The following LRRTM4 variants were observed in gnomAD, a reference collection of about 807,000 sequenced individuals.
LRRTM4 encodes the protein leucine-rich repeat transmembrane neuronal protein 4.
LRRTM4 carries 25 observed loss-of-function variants against 47.6 expected under a neutral mutation model. The ratio of observed to expected loss-of-function variants is 0.53; its 90% CI spans 0.38 to 0.73. The LOEUF is 0.73. Ranked by LOEUF, LRRTM4 falls within the 30% of genes least tolerant of loss-of-function variation. LRRTM4 has a pLI of 0.00. For synonymous variants in LRRTM4, 311 were observed against 269.5 expected, an observed-to-expected ratio of 1.15 and a Z score of -1.51; for missense variants, 638 against 713.4, an observed-to-expected ratio of 0.89 and a Z score of 1.20.
intron 3 of LRRTM4, among the ~76,000 whole-genome samples, chr2:77,466,702 C>T (rs1573452909): frequency 7.6e-6 from 1 of 131,368 alleles, no homozygotes; most frequent in Non-Finnish European, 1.6e-5. Flanking sequence ...ACTATGGCAA[C>T]TTTTTTTTTT....
At chr2:77,221,106 A>G (rs1674614663) in intron 3 of LRRTM4, among the ~76,000 whole-genome samples, 1 of 152,210 alleles carries the variant, frequency 6.6e-6, no homozygotes, top group Non-Finnish European at 1.5e-5. Context: ...AGCCAAACTA[A>G]GCTTCATAAG....
chr2:77,282,181 A>G (rs1676524512), intron 3 of LRRTM4, among the ~76,000 whole-genome samples: 1 of 151,800 alleles, frequency 6.6e-6, no homozygotes, highest in African/African-American at 2.4e-5. Flanking sequence ...ATTCCTGGAT[A>G]CTTCATTTTT....
At chr2:77,068,771 C>G (rs1680047252) in intron 3 of LRRTM4, among the ~76,000 whole-genome samples, 1 of 152,130 alleles carries the variant, frequency 6.6e-6, no homozygotes, top group Non-Finnish European at 1.5e-5. Flanking sequence ...ATAAACTGGC[C>G]CCAAAACTGG....
chr2:77,353,211 T>G (rs1419962728), intron 3 of LRRTM4, among the ~76,000 whole-genome samples: 1 of 152,206 alleles, frequency 6.6e-6, no homozygotes, highest in African/African-American at 2.4e-5. Flanking sequence ...TTAATAGGTG[T>G]TAACATCTGT....
intron 3 of LRRTM4, among the ~76,000 whole-genome samples, chr2:77,501,899 C>A (rs546698482): frequency 1.3e-5 from 2 of 151,130 alleles, no homozygotes; most frequent in Admixed American, 1.3e-4. Flanking sequence ...ATTAATAGAA[C>A]AATAAAATAT....
intron 3 of LRRTM4, among the ~76,000 whole-genome samples, chr2:77,478,086 T>A (rs1451388797): frequency 6.6e-6 from 1 of 152,244 alleles, no homozygotes; most frequent in Middle Eastern, 3.4e-3. Context: ...ACTGCTAAAT[T>A]TAAATTAAGA....
intron 3 of LRRTM4, among the ~76,000 whole-genome samples, chr2:77,152,274 A>G (rs1449350462): frequency 6.6e-6 from 1 of 152,066 alleles, no homozygotes; most frequent in Non-Finnish European, 1.5e-5. Flanking sequence ...TTGGAGCTAC[A>G]TTTTCAAGGT....
intron 3 of LRRTM4, among the ~76,000 whole-genome samples, chr2:76,933,857 T>G (rs1017237502): frequency 6.6e-6 from 1 of 152,156 alleles, no homozygotes; most frequent in Non-Finnish European, 1.5e-5. Context: ...ATGACATTTC[T>G]GGAAAAGTTG....
chr2:76,801,354 G>A (rs113073059), intron 3 of LRRTM4, among the ~76,000 whole-genome samples: 2 of 151,980 alleles, frequency 1.3e-5, no homozygotes, highest in Admixed American at 6.6e-5. Context: ...ATGAGTTCAC[G>A]TCCTTTGTAG....
At chr2:76,993,951 T>G (rs1281167022) in intron 3 of LRRTM4, among the ~76,000 whole-genome samples, 1 of 151,940 alleles carries the variant, frequency 6.6e-6, no homozygotes, top group East Asian at 1.9e-4. Context: ...ACATATTTTT[T>G]TTCAGCAACA....
chr2:77,006,729 G>A (rs527384385), intron 3 of LRRTM4, among the ~76,000 whole-genome samples: 20 of 152,116 alleles, frequency 1.3e-4, no homozygotes, highest in Non-Finnish European at 2.2e-4. Context: ...CACAATAGAG[G>A]GATTGCGACT....
chr2:77,061,807 CTCT>C (rs1679794920), intron 3 of LRRTM4, among the ~76,000 whole-genome samples: 1 of 152,072 alleles, frequency 6.6e-6, no homozygotes. Flanking sequence ...AACTTTTTTG[CTCT>C]TTTTATACAT....
intron 3 of LRRTM4, among the ~76,000 whole-genome samples, chr2:77,074,956 A>G (rs935807791): frequency 1.3e-5 from 2 of 152,188 alleles, no homozygotes; most frequent in Admixed American, 1.3e-4. Flanking sequence ...TGTTTTTGTT[A>G]GCATTTCTGT....
chr2:76,791,212 G>A (rs1055692053), intron 3 of LRRTM4, among the ~76,000 whole-genome samples: 1 of 152,134 alleles, frequency 6.6e-6, no homozygotes, highest in African/African-American at 2.4e-5. Context: ...CAGGCATGTG[G>A]CTTGCCAAAA....
intron 3 of LRRTM4, among the ~76,000 whole-genome samples, chr2:77,086,955 T>A (rs1012945492): frequency 6.6e-6 from 1 of 152,188 alleles, no homozygotes; most frequent in Non-Finnish European, 1.5e-5. Context: ...CACCTAGGCA[T>A]TCTGGGTTTA....
intron 3 of LRRTM4, among the ~76,000 whole-genome samples, chr2:76,924,146 G>T (rs1243738139): frequency 6.6e-6 from 1 of 151,982 alleles, no homozygotes; most frequent in Non-Finnish European, 1.5e-5. Context: ...ATGTCTTTCT[G>T]AAAAGTTATA....
At chr2:76,976,695 G>A (rs115997382) in intron 3 of LRRTM4, among the ~76,000 whole-genome samples, 15 of 151,730 alleles carry the variant, frequency 9.9e-5, no homozygotes, top group Non-Finnish European at 2.1e-4. Flanking sequence ...TTAGGGGCTG[G>A]GATATCCGTG....
At chr2:77,486,485 C>T (rs1677914982) in intron 3 of LRRTM4, among the ~76,000 whole-genome samples, 3 of 151,912 alleles carry the variant, frequency 2.0e-5, no homozygotes, top group African/African-American at 4.8e-5. Context: ...AGAAAACACA[C>T]GGCATAATTG....
intron 3 of LRRTM4, among the ~76,000 whole-genome samples, chr2:76,960,098 T>C (rs956722264): frequency 2.2e-4 from 34 of 151,548 alleles, no homozygotes; most frequent in African/African-American, 8.0e-4. Flanking sequence ...CCAGTAGGAC[T>C]GCCTACACCA....
Sources: allele counts gnomAD v4.1 joint callset (sites outside exome capture counted in the v4.1 genomes callset), GRCh38; gene constraint gnomAD v4.1.1; transcripts MANE v1.5; gene names NCBI Gene and HGNC (gene_info 2026-07-23, HGNC 2026-07-21).